Variants in KSR2 observed in about 807,000 individuals in gnomAD.
KSR2 encodes kinase suppressor of ras 2.
A neutral mutation model predicts 107.8 loss-of-function variants in KSR2; 25 were observed. The observed-to-expected ratio is 0.23, with a 90% CI of 0.17 to 0.32. The LOEUF is 0.32. Among genes scored for constraint, KSR2 ranks in the 10% least tolerant of loss-of-function variants. The pLI is 1.00. For missense variants in KSR2, 887 were observed against 1,268.9 expected, an observed-to-expected ratio of 0.70 and a Z score of 4.57; for synonymous variants, 480 against 507.0, an observed-to-expected ratio of 0.95 and a Z score of 0.71.
At chr12:117,815,983 A>T (rs1208743308) in intron 3 of KSR2, among the ~76,000 whole-genome samples, 1 of 146,620 alleles carries the variant, frequency 6.8e-6, no homozygotes, top group Non-Finnish European at 1.5e-5. Context: ...TCAAAAAAAA[A>T]AAATAAAGTG....
At chr12:117,867,268 T>C (rs1893506097) in intron 1 of KSR2, among the ~76,000 whole-genome samples, 1 of 151,744 alleles carries the variant, frequency 6.6e-6, no homozygotes, top group Non-Finnish European at 1.5e-5. Flanking sequence ...GTGAGCTGTG[T>C]TCATGCCACT....
At chr12:117,742,532 G>GCGGA (rs144286470) in intron 4 of KSR2, among the ~76,000 whole-genome samples, 1 of 149,462 alleles carries the variant, frequency 6.7e-6, no homozygotes, top group Non-Finnish European at 1.5e-5. Context: ...GGATGGATGG[G>GCGGA]TGGATGGATG....
intron 3 of KSR2, among the ~76,000 whole-genome samples, chr12:117,833,965 C>CAA (rs5801254): frequency 2.7e-4 from 40 of 147,540 alleles, no homozygotes; most frequent in Middle Eastern, 3.5e-3. Context: ...CCTGTCTGTA[C>CAA]AAAAAAAAAA....
chr12:117,530,847 G>T, intron 12 of KSR2, 94 bp downstream of exon 12: 2 of 1,094,446 alleles, frequency 1.8e-6, no homozygotes, highest in Non-Finnish European at 2.8e-6. Context: ...ATCAGTTCCA[G>T]GAAGAGAAGG....
chr12:117,930,188 C>T (rs1236443448), intron 1 of KSR2, among the ~76,000 whole-genome samples: 1 of 152,046 alleles, frequency 6.6e-6, no homozygotes, highest in Non-Finnish European at 1.5e-5. Flanking sequence ...CACACACCAC[C>T]CATCCAGATA....
chr12:117,469,331 C>A (rs547683310), intron 19 of KSR2, among the ~76,000 whole-genome samples: 55 of 152,230 alleles, frequency 3.6e-4, no homozygotes, highest in Non-Finnish European at 7.8e-4. Flanking sequence ...ACTCTGAATA[C>A]CTGACATATG....
At chr12:117,560,826 C>A (rs915314501) in intron 7 of KSR2, among the ~76,000 whole-genome samples, 1 of 152,134 alleles carries the variant, frequency 6.6e-6, no homozygotes, top group Non-Finnish European at 1.5e-5. Flanking sequence ...AGGAGCCTGG[C>A]ATCTCCTTCT....
At chr12:117,496,739 G>A (rs1264808756) in intron 14 of KSR2, among the ~76,000 whole-genome samples, 1 of 152,090 alleles carries the variant, frequency 6.6e-6, no homozygotes, top group Admixed American at 6.5e-5. Flanking sequence ...TGGCACTGTG[G>A]TCTGCCAAAG....
chr12:117,748,073 T>C (rs1888476225), intron 4 of KSR2, among the ~76,000 whole-genome samples: 1 of 144,488 alleles, frequency 6.9e-6, no homozygotes, highest in South Asian at 2.1e-4. Flanking sequence ...AGCGGATGAA[T>C]GGATAAAGAA....
intron 3 of KSR2, among the ~76,000 whole-genome samples, chr12:117,762,061 C>T (rs1889055780): frequency 6.6e-6 from 1 of 152,216 alleles, no homozygotes; most frequent in Admixed American, 6.5e-5. Context: ...GACCCTGTTA[C>T]CCTATTCTCC....
At position 117,842,043 on chromosome 12, in the gene KSR2, C is replaced by A. The variant is rs564431287; in HGVS notation, c.472+13385G>T. On this transcript the variant is annotated intron_variant, in intron 3 of 19. Transcript: ENST00000339824. The surrounding 1 kb of genome is among the most constrained non-coding windows in gnomAD (Gnocchi z 4.2). ...AATTCCAACACAGGGGTTCTCAAAG[C>A]GTGTTCCCCAAACCAGCAGCACCAG... is the stretch of plus-strand genomic sequence containing the variant. Among the ~76,000 whole-genome samples the A allele has an allele frequency of 1.3e-5, 2 of 152,146 alleles. No homozygotes were observed. Among genetic ancestry groups the A allele is most frequent in the Non-Finnish European group, 2.9e-5 (2 of 68,014 alleles).
intron 4 of KSR2, among the ~76,000 whole-genome samples, chr12:117,749,788 G>T: frequency 6.6e-6 from 1 of 152,084 alleles, no homozygotes; most frequent in East Asian, 1.9e-4. Context: ...CTCATCACAG[G>T]CCTGAAAGAT....
chr12:117,823,324 C>T (rs1566032974), intron 3 of KSR2, among the ~76,000 whole-genome samples: 1 of 152,068 alleles, frequency 6.6e-6, no homozygotes, highest in Admixed American at 6.6e-5. Context: ...TGCAAGGAGG[C>T]CAGACAGGAG....
At chr12:117,527,280 GACACACACACACACACACACAGACAC>G (rs1382434714) in intron 12 of KSR2, among the ~76,000 whole-genome samples, 161 bp from the exon 13 acceptor site, 4 of 124,468 alleles carry the variant, frequency 3.2e-5, no homozygotes, top group African/African-American at 9.2e-5. Context: ...CCATAACCTC[GACACACACACACACACACACAGACAC>G]ACACACACAC....
intron 14 of KSR2, among the ~76,000 whole-genome samples, chr12:117,513,814 G>A (rs774732819): frequency 1.1e-4 from 17 of 152,198 alleles, no homozygotes; most frequent in South Asian, 2.1e-4. Flanking sequence ...GGGCAAAATC[G>A]TAATTAAAAG....
intron 1 of KSR2, among the ~76,000 whole-genome samples, chr12:117,959,605 C>G (rs753910573): frequency 2.6e-5 from 4 of 152,054 alleles, no homozygotes; most frequent in Admixed American, 1.3e-4. Context: ...AAAAATATAA[C>G]CCCTGGTTCA....
chr12:117,922,036 TGAA>T (rs1895362377), intron 1 of KSR2, among the ~76,000 whole-genome samples: 1 of 152,186 alleles, frequency 6.6e-6, no homozygotes, highest in Non-Finnish European at 1.5e-5. Context: ...CAAAGCATGA[TGAA>T]GACTCTAATA....
intron 1 of KSR2, among the ~76,000 whole-genome samples, chr12:117,942,493 CTT>C (rs201100401): frequency 8.7e-5 from 12 of 138,212 alleles, no homozygotes; most frequent in Admixed American, 7.4e-5. Flanking sequence ...CTTTTTTTTT[CTT>C]TTTTTTTTTT....
At chr12:117,967,566 G>A (rs138289433) in intron 1 of KSR2, among the ~76,000 whole-genome samples, 1 of 151,998 alleles carries the variant, frequency 6.6e-6, no homozygotes, top group Non-Finnish European at 1.5e-5. Flanking sequence ...AGGAGGGAGG[G>A]GAAGAAGGCC....
Sources: gnomAD v4.1 joint callset for allele counts (sites outside exome capture counted in the v4.1 genomes callset) on GRCh38, gnomAD v4.1.1 for gene constraint, Gnocchi (gnomAD v3.1) non-coding constraint, MANE v1.5 for transcripts, NCBI Gene and HGNC (gene_info 2026-07-23, HGNC 2026-07-21) for gene names.